Variants in RABGEF1 observed in about 807,000 individuals in gnomAD.
RABGEF1 encodes rab5 GDP/GTP exchange factor.
RABGEF1 carries 26 observed loss-of-function variants against 57.3 expected under a neutral mutation model. The observed-to-expected ratio is 0.45, with a 90% CI of 0.33 to 0.63. The LOEUF is 0.63. RABGEF1 is among the 20% of genes least tolerant of loss of function. RABGEF1 has a pLI of 0.02. For missense variants in RABGEF1, 464 were observed against 607.6 expected (o/e 0.76, Z 2.48); for synonymous variants, 185 against 210.7 (o/e 0.88, Z 1.06).
chr7:66,680,897 A>G (rs1480406634), upstream of RABGEF1, among the ~76,000 whole-genome samples: 3 of 152,148 alleles, frequency 2.0e-5, no homozygotes, highest in African/African-American at 7.2e-5. Context: ...CCTGGCCAAC[A>G]TGGTGAAACC....
intron 2 of RABGEF1, among the ~76,000 whole-genome samples, chr7:66,722,156 CAG>C (rs1345124707): frequency 2.6e-5 from 4 of 151,702 alleles, no homozygotes; most frequent in Non-Finnish European, 5.9e-5. Flanking sequence ...GACCCTGTCT[CAG>C]GGGCTGGGTA....
chr7:66,778,260 T>C (rs1301242925), intron 3 of RABGEF1, among the ~76,000 whole-genome samples: 1 of 149,948 alleles, frequency 6.7e-6, no homozygotes. Context: ...GGAAAGTTTT[T>C]ATGCCATACG....
intron 2 of RABGEF1, among the ~76,000 whole-genome samples, chr7:66,723,959 A>G (rs770642939): frequency 1.3e-5 from 2 of 152,050 alleles, no homozygotes; most frequent in Non-Finnish European, 2.9e-5. Flanking sequence ...AGTGCTTTTC[A>G]TTGTCTTGTA....
chr7:66,745,123 C>T (rs1476052162), intron 1 of RABGEF1, among the ~76,000 whole-genome samples: 3 of 150,630 alleles, frequency 2.0e-5, no homozygotes, highest in Non-Finnish European at 4.4e-5. Context: ...ACCCGGGAGG[C>T]GGAGCTTGCA....
intron 1 of RABGEF1, among the ~76,000 whole-genome samples, chr7:66,710,957 A>G (rs1794694147): frequency 6.6e-6 from 1 of 152,038 alleles, no homozygotes; most frequent in African/African-American, 2.4e-5. Context: ...AGCCTGGGCA[A>G]CATAGCGAGA....
intron 1 of RABGEF1, among the ~76,000 whole-genome samples, chr7:66,694,229 G>A (rs1314820276): frequency 6.6e-6 from 1 of 152,244 alleles, no homozygotes. Context: ...GGCAGCGGTG[G>A]CATCTGGCAT....
At chr7:66,750,037 G>A (rs1801076458) in intron 1 of RABGEF1, among the ~76,000 whole-genome samples, 1 of 152,190 alleles carries the variant, frequency 6.6e-6, no homozygotes, top group Non-Finnish European at 1.5e-5. Context: ...CATAACTGGT[G>A]TCTCACGAGA....
intron 2 of RABGEF1, among the ~76,000 whole-genome samples, chr7:66,773,397 G>T (rs756481321): frequency 3.3e-5 from 5 of 152,024 alleles, no homozygotes; most frequent in Admixed American, 6.6e-5. Flanking sequence ...GAGAAAGAGG[G>T]GTCCCGATTC....
At chr7:66,667,088 AG>A in the RABGEF1 span, among the ~76,000 whole-genome samples, 5 of 152,182 alleles carry the variant, frequency 3.3e-5, no homozygotes, top group Non-Finnish European at 7.3e-5. Context: ...GCTCTGGTGG[AG>A]GGGATTTGAA....
the RABGEF1 span, among the ~76,000 whole-genome samples, chr7:66,676,885 G>C: frequency 6.6e-6 from 1 of 152,202 alleles, no homozygotes; most frequent in African/African-American, 2.4e-5. Flanking sequence ...CACCTGGTCC[G>C]TGAATAGTGT....
At chr7:66,706,652 GATC>G (rs1270144356) in intron 1 of RABGEF1, among the ~76,000 whole-genome samples, 1 of 151,396 alleles carries the variant, frequency 6.6e-6, no homozygotes, top group African/African-American at 2.4e-5. Context: ...CTGACCTCAT[GATC>G]CGCCCGCCTC....
intron 3 of RABGEF1, among the ~76,000 whole-genome samples, chr7:66,778,370 A>G (rs1809035481): frequency 6.6e-6 from 1 of 152,242 alleles, no homozygotes; most frequent in South Asian, 2.1e-4. Context: ...GAGAAAGTAA[A>G]TGGAATGTCT....
rs568716461 is a variant in RABGEF1, at chr7:66,712,433, C to G, written c.-815+209C>G. Among the ~76,000 whole-genome samples, 7 of 152,310 alleles carry G rather than the reference C, an allele frequency of 4.6e-5. No individual in the cohort carries two copies. In the South Asian group the frequency reaches 1.4e-3, roughly 32 times the overall value. ...AATTCTATGTTGCAACCTTTACAAA[C>G]TTATTTATAGTTTTAAATATTTTTC... On this transcript the variant is annotated intron_variant and NMD_transcript_variant, in intron 2 of 9. Coordinates refer to the RABGEF1 transcript ENST00000607882.
chr7:66,684,196 A>G (rs1790233189), intron 1 of RABGEF1, among the ~76,000 whole-genome samples: 1 of 152,190 alleles, frequency 6.6e-6, no homozygotes, highest in South Asian at 2.1e-4. Context: ...CTGTAATCCC[A>G]GCACTTTGGG....
At chr7:66,705,415 C>G (rs1793867735) in intron 1 of RABGEF1, among the ~76,000 whole-genome samples, 1 of 118,976 alleles carries the variant, frequency 8.4e-6, no homozygotes, top group Non-Finnish European at 1.6e-5. Flanking sequence ...CCAGCCTGGG[C>G]AACAGAGCGA....
chr7:66,752,146 C>A (rs900196575), intron 1 of RABGEF1, among the ~76,000 whole-genome samples: 1 of 152,032 alleles, frequency 6.6e-6, no homozygotes, highest in Non-Finnish European at 1.5e-5. Flanking sequence ...TACAGTGAGC[C>A]ATGATTGTGC....
At chr7:66,726,935 C>T (rs183333161) in intron 2 of RABGEF1, among the ~76,000 whole-genome samples, 156 of 152,164 alleles carry the variant, frequency 1.0e-3, no homozygotes, top group African/African-American at 3.6e-3. Context: ...ACCCAGGAAG[C>T]GGAGATTGCA....
chr7:66,704,338 C>T (rs1167458884), intron 1 of RABGEF1, among the ~76,000 whole-genome samples: 1 of 152,182 alleles, frequency 6.6e-6, no homozygotes, highest in African/African-American at 2.4e-5. Context: ...TTGAATCTGA[C>T]ACTTTTTGCC....
Position 66,795,680 on chromosome 7 carries a change from C to A in RABGEF1, c.595+88C>A, listed in dbSNP as rs1268163405. On this transcript the variant is annotated intron_variant, in intron 5 of 8. Coordinates refer to ENST00000284957, the MANE Select transcript of RABGEF1 (RefSeq NM_014504.3). ...GCAATTTCTTTCTTTCTCTGATGGT[C>A]TGGCTGGTTTGTAGACTTCATCCTG... 8 of 1,285,762 alleles carry A rather than the reference C, an allele frequency of 6.2e-6. No homozygotes were observed. The Admixed American group carries it at 8.5e-5, about 14-fold the overall frequency. The allele number at this position is 1,285,762 out of a possible 1,614,324, so 79.6% of individuals were successfully genotyped here. A position where few individuals can be genotyped will look rare whatever the true frequency, so the allele number is the denominator to read the frequency against.
Sources: allele counts gnomAD v4.1 joint callset (sites outside exome capture counted in the v4.1 genomes callset), GRCh38; gene constraint gnomAD v4.1.1; transcripts MANE v1.5; gene names NCBI Gene and HGNC (gene_info 2026-07-23, HGNC 2026-07-21).